Variants in CCDC171 observed in about 807,000 individuals in gnomAD.
CCDC171 encodes coiled-coil domain containing 171, also known as coiled-coil domain-containing protein 171.
Under a neutral mutation model 168.2 loss-of-function variants are expected in CCDC171, and 177 were observed. The observed-to-expected ratio is 1.05, with a 90% CI of 0.93 to 1.19. The LOEUF is 1.19. Ranked by LOEUF, CCDC171 falls within the 50% of genes most tolerant of loss-of-function variation. CCDC171 has a pLI of 0.00. For missense variants in CCDC171, 1,991 were observed against 1,539.0 expected (o/e 1.29, Z -4.91); for synonymous variants, 687 against 540.8 (o/e 1.27, Z -3.75).
intron 12 of CCDC171, among the ~76,000 whole-genome samples, chr9:15,722,186 G>A (rs1238372298): frequency 1.3e-5 from 2 of 152,124 alleles, no homozygotes; most frequent in Admixed American, 6.5e-5. Flanking sequence ...AAGTTAATAT[G>A]TACTGTATTT....
intron 8 of CCDC171, among the ~76,000 whole-genome samples, chr9:15,660,854 G>C (rs2048261118): frequency 1.3e-5 from 2 of 152,218 alleles, no homozygotes; most frequent in South Asian, 4.1e-4. Context: ...TAATGGGGTT[G>C]CTGGATCAAA....
chr9:16,068,165 A>G, the CCDC171 span, among the ~76,000 whole-genome samples: 1 of 147,686 alleles, frequency 6.8e-6, no homozygotes, highest in Non-Finnish European at 1.5e-5. Context: ...CACCAACAAC[A>G]GACAAACAGA....
intron 25 of CCDC171, among the ~76,000 whole-genome samples, chr9:15,966,296 C>G (rs982100698): frequency 6.6e-6 from 1 of 152,146 alleles, no homozygotes; most frequent in Non-Finnish European, 1.5e-5. Flanking sequence ...CAACAAAGAG[C>G]AGAATTGGAC....
chr9:15,916,028 G>C (rs895806026), intron 24 of CCDC171, among the ~76,000 whole-genome samples: 1 of 152,008 alleles, frequency 6.6e-6, no homozygotes, highest in Admixed American at 6.6e-5. Context: ...ATTTTGTTGA[G>C]CATAACCATG....
In CCDC171 at chr9:15,556,244, C is replaced by T. The variant is rs540118923; in HGVS notation, c.-112+2942C>T. 3.3e-5 allele frequency among the ~76,000 whole-genome samples: 5 copies of T among 151,506 alleles called. No homozygotes were observed. In the East Asian group the frequency reaches 5.8e-4, roughly 18 times the overall value. Reference sequence around the variant, plus strand: ...CCTTTGTGGGTAACCTGACCTTTCTCTCTGGCTGCCAGTGATGGGATGGCT... The same window carrying T: ...CCTTTGTGGGTAACCTGACCTTTCTTTCTGGCTGCCAGTGATGGGATGGCT... On this transcript the variant is annotated intron_variant, in intron 1 of 25. Coordinates refer to ENST00000380701, the MANE Select transcript of CCDC171 (RefSeq NM_173550.4).
chr9:15,775,360 GTTTA>G (rs961208349), intron 18 of CCDC171, among the ~76,000 whole-genome samples: 6 of 152,266 alleles, frequency 3.9e-5, no homozygotes, highest in Admixed American at 6.5e-5. Context: ...TTATTTGTTT[GTTTA>G]TTTATTTATT....
chr9:15,585,915 G>A (rs560405690), intron 4 of CCDC171, among the ~76,000 whole-genome samples: 3 of 152,290 alleles, frequency 2.0e-5, no homozygotes, highest in Admixed American at 6.5e-5. Context: ...GACAGAAGTT[G>A]CAGTGAGCTG....
At chr9:15,602,803 A>C (rs1349991838) in intron 6 of CCDC171, among the ~76,000 whole-genome samples, 1 of 150,936 alleles carries the variant, frequency 6.6e-6, no homozygotes, top group Non-Finnish European at 1.5e-5. Context: ...GATTACAGGC[A>C]CGCACCACCA....
intron 6 of CCDC171, among the ~76,000 whole-genome samples, chr9:16,033,599 A>G (rs1318985975): frequency 6.6e-6 from 1 of 152,208 alleles, no homozygotes; most frequent in Admixed American, 6.5e-5. Flanking sequence ...TTGTATAATT[A>G]TTTCATTATA....
intron 23 of CCDC171, among the ~76,000 whole-genome samples, 186 bp downstream of exon 23, chr9:15,849,133 C>G (rs968926961): frequency 4.0e-5 from 6 of 151,618 alleles, no homozygotes; most frequent in African/African-American, 9.7e-5. Context: ...TCAGAATTCA[C>G]TTTATATATC....
chr9:15,723,792 T>C (rs375482575), intron 13 of CCDC171, 46 bp downstream of exon 13: 59 of 908,568 alleles, frequency 6.5e-5, no homozygotes, highest in Non-Finnish European at 8.4e-5. Context: ...GAAACAAATA[T>C]AGTTATCTAG....
At chr9:15,741,029 C>CT (rs996794307) in intron 16 of CCDC171, among the ~76,000 whole-genome samples, 1 of 151,960 alleles carries the variant, frequency 6.6e-6, no homozygotes, top group Non-Finnish European at 1.5e-5. Flanking sequence ...ATTATTATAT[C>CT]TTTTTTATTA....
chr9:16,035,506 G>A (rs1833449386), exon 7 of CCDC171: 1 of 152,170 alleles, frequency 6.6e-6, no homozygotes, highest in Admixed American at 6.5e-5. Context: ...TTTATGAACT[G>A]AAGAACACTC....
chr9:15,747,746 C>T (rs2055404942), intron 18 of CCDC171, among the ~76,000 whole-genome samples: 1 of 152,282 alleles, frequency 6.6e-6, no homozygotes, highest in Admixed American at 6.5e-5. Flanking sequence ...ATCTGTAAGT[C>T]ACCAACATCA....
chr9:15,894,319 G>C (rs1820609783), intron 24 of CCDC171, among the ~76,000 whole-genome samples: 1 of 152,022 alleles, frequency 6.6e-6, no homozygotes, highest in South Asian at 2.1e-4. Flanking sequence ...ATAGCTAATG[G>C]ATGCTGGGCT....
At chr9:15,613,060 C>T (rs767847300) in intron 6 of CCDC171, among the ~76,000 whole-genome samples, 7 of 152,080 alleles carry the variant, frequency 4.6e-5, no homozygotes, top group Admixed American at 1.3e-4. Flanking sequence ...TTTCTGTTCT[C>T]TTGGGTATAT....
At chr9:15,848,734 A>T (rs952720610) in intron 22 of CCDC171, among the ~76,000 whole-genome samples, 159 bp from the exon 23 acceptor site, 4 of 151,934 alleles carry the variant, frequency 2.6e-5, no homozygotes, top group Admixed American at 1.3e-4. Flanking sequence ...ACAATGAATT[A>T]AAAAATCAAA....
At chr9:15,894,351 A>T (rs1182238494) in intron 24 of CCDC171, among the ~76,000 whole-genome samples, 1 of 152,068 alleles carries the variant, frequency 6.6e-6, no homozygotes, top group African/African-American at 2.4e-5. Context: ...TGATGGGATG[A>T]TCTGCGCAGC....
intron 1 of CCDC171, among the ~76,000 whole-genome samples, chr9:16,058,364 T>A (rs1833876683): frequency 6.6e-6 from 1 of 152,142 alleles, no homozygotes; most frequent in Non-Finnish European, 1.5e-5. Context: ...CTCCCTCTAT[T>A]TCTCAGCCCC....
Sources: gnomAD v4.1 joint callset for allele counts (sites outside exome capture counted in the v4.1 genomes callset) on GRCh38, gnomAD v4.1.1 for gene constraint, MANE v1.5 for transcripts, NCBI Gene and HGNC (gene_info 2026-07-23, HGNC 2026-07-21) for gene names.